The following ZNF709 variants were observed in gnomAD, a reference collection of about 807,000 sequenced individuals.
The protein encoded by ZNF709 is zinc finger protein 709.
ZNF709 carries 15 observed loss-of-function variants against 10.6 expected under a neutral mutation model. The ratio of observed to expected loss-of-function variants is 1.41; its 90% CI spans 0.95 to 2.18. The LOEUF (loss-of-function observed/expected upper bound fraction) is 2.18. Among genes scored for constraint, ZNF709 ranks in the 30% most tolerant of loss-of-function variants. ZNF709 has a pLI of 0.00. For missense variants in ZNF709, 589 were observed against 774.0 expected, an observed-to-expected ratio of 0.76 and a Z score of 2.84; for synonymous variants, 194 against 238.8, an observed-to-expected ratio of 0.81 and a Z score of 1.73.
In ZNF709 at chr19:12,465,280, G is replaced by A. The variant is rs777192870; in HGVS notation, c.642C>T (p.His214=). The change falls in exon 4 of 4, where the codon CAC becomes CAT. Residue 214 remains histidine (H), a synonymous_variant. Transcript: ENST00000397732. ...GTTTCTCCCCTGTGTGCATTCTCAT[G>A]TGTCCTCGAAAGGTTGTGTGATAAA... The part of the protein sequence containing the change: ...AFIYHTTFRG[H]MRMHTGEKPY... The A allele has an allele frequency of 1.9e-6, 3 of 1,612,200 alleles. No homozygotes were observed. The highest frequency in any genetic ancestry group is 2.2e-5 in the East Asian group (1 of 44,762).
At chr19:12,472,389 G>T (rs1970640719) in intron 1 of ZNF709, among the ~76,000 whole-genome samples, 1 of 151,878 alleles carries the variant, frequency 6.6e-6, no homozygotes, top group Non-Finnish European at 1.5e-5. Context: ...AGGCATGGTG[G>T]TGGGCACCTG....
chr19:12,466,505 C>T lies in ZNF709; in HGVS notation c.145G>A (p.Glu49Lys). 6.2e-7 allele frequency: 1 copy of T among 1,614,006 alleles called. No individual in the cohort carries two copies. Among genetic ancestry groups the T allele is most frequent in the East Asian group, 2.2e-5 (1 of 44,856 alleles). The stretch of plus-strand genomic sequence containing the variant: ...TTTTTGTGATCTTCAATGTTCTTCT[C>T]CTCCCAGTTTTCCCCTAAAATGCAG... ...NLASIGENWEEKNIEDHKNQG... is the reference protein window; with the variant it reads ...NLASIGENWEKKNIEDHKNQG... The change falls in exon 3 of 4, where the codon GAG becomes AAG. Residue 49 changes from glutamate (E) to lysine (K), a missense_variant. Coordinates refer to ENST00000397732, the MANE Select transcript of ZNF709 (RefSeq NM_152601.4).
At chr19:12,468,993 A>G (rs989144370) in intron 1 of ZNF709, among the ~76,000 whole-genome samples, 3 of 151,970 alleles carry the variant, frequency 2.0e-5, no homozygotes, top group Non-Finnish European at 4.4e-5. Flanking sequence ...GGCGCCCGCC[A>G]CTATGCCCGG....
At chr19:12,475,978 CAACA>C (rs915415533) in intron 1 of ZNF709, among the ~76,000 whole-genome samples, 13 of 152,234 alleles carry the variant, frequency 8.5e-5, no homozygotes, top group African/African-American at 2.6e-4. Context: ...TAGCCTTTTT[CAACA>C]AACAGTGTTG....
chr19:12,475,292 C>G (rs1490247994), intron 1 of ZNF709, among the ~76,000 whole-genome samples: 2 of 119,532 alleles, frequency 1.7e-5, no homozygotes, highest in Non-Finnish European at 3.8e-5. Context: ...ATCTAAGCAT[C>G]TACATGAGGA....
At chr19:12,480,623 C>T (rs1290822978) in intron 1 of ZNF709, among the ~76,000 whole-genome samples, 6 of 148,630 alleles carry the variant, frequency 4.0e-5, no homozygotes, top group Non-Finnish European at 8.9e-5. Context: ...GCAGAGCTTG[C>T]GGTGAGCCGA....
At chr19:12,472,909 C>T (rs965926857) in intron 1 of ZNF709, among the ~76,000 whole-genome samples, 1 of 152,062 alleles carries the variant, frequency 6.6e-6, no homozygotes, top group Admixed American at 6.6e-5. Context: ...AGGTACATCT[C>T]GCTCCTTCCT....
At chr19:12,466,211 G>A (rs1304842204) in intron 3 of ZNF709, among the ~76,000 whole-genome samples, 1 of 152,188 alleles carries the variant, frequency 6.6e-6, no homozygotes, top group East Asian at 1.9e-4. Flanking sequence ...AAAGTGCTAG[G>A]ATTACAGGCA....
intron 1 of ZNF709, among the ~76,000 whole-genome samples, chr19:12,482,297 T>C (rs1432178042): frequency 6.6e-6 from 1 of 151,660 alleles, no homozygotes; most frequent in African/African-American, 2.4e-5. Context: ...GCTAAACACA[T>C]ACACAAGCTT....
intron 1 of ZNF709, among the ~76,000 whole-genome samples, chr19:12,479,979 A>G (rs574081287): frequency 6.6e-6 from 1 of 152,274 alleles, no homozygotes; most frequent in African/African-American, 2.4e-5. Flanking sequence ...TCTGGTCAAG[A>G]GAGTGAGACC....
chr19:12,465,740 GA>G lies in ZNF709; in HGVS notation c.189-8del, dbSNP rs765289957. On this transcript the variant is annotated splice_region_variant and splice_polypyrimidine_tract_variant and intron_variant, in intron 3 of 3. Transcript: ENST00000397732. Reference sequence around the variant, plus strand: ...CCTCTCTACCATATGACTTCTGTGAGAAAAAAACAAAACAAAACGCACAATT... The same window carrying G: ...CCTCTCTACCATATGACTTCTGTGAGAAAAAACAAAACAAAACGCACAATT... 7 of 1,483,032 alleles carry G rather than the reference GA, an allele frequency of 4.7e-6. No individual in the cohort carries two copies. The Admixed American group carries it at 7.5e-5, about 16-fold the overall frequency. The allele number at this position is 1,483,032 out of a possible 1,614,324, so 91.9% of individuals were successfully genotyped here.
rs1187144311 is a variant in ZNF709, at chr19:12,463,389, AT to A, written c.*606del. ...TTTTTACATTTATAGGGTTTTCCAC[AT>A]TCTTTACATTTTTAAGGTTATAAAT... On this transcript the variant is annotated 3_prime_UTR_variant, in exon 4 of 4. Transcript: ENST00000397732. 6.6e-6 allele frequency: 1 copy of A among 152,138 alleles called. No individual in the cohort carries two copies. Among genetic ancestry groups the A allele is most frequent in the Non-Finnish European group, 1.5e-5 (1 of 68,022 alleles). 9.4% of individuals were successfully genotyped at this position (152,138 alleles called of 1,614,324 possible). A position where few individuals can be genotyped will look rare whatever the true frequency, so the allele number is the denominator to read the frequency against.
chr19:12,475,268 A>AG, intron 1 of ZNF709, among the ~76,000 whole-genome samples: 1 of 150,764 alleles, frequency 6.6e-6, no homozygotes, highest in East Asian at 1.9e-4. Flanking sequence ...AAAAAAAAAA[A>AG]AAAAAAAAAA....
At position 12,464,472 on chromosome 19, in the gene ZNF709, C is replaced by T. The variant is rs1599630806; in HGVS notation, c.1450G>A (p.Ala484Thr). ...KPYECKQCGK[A>T]FSFSSSFRMH... is the part of the protein sequence containing the mutation. ...CGAAAGGAACTAGAAAAACTAAAGGCTTTACCACACTGTTTACATTCATAG... is the reference window on the plus strand; with the variant it reads ...CGAAAGGAACTAGAAAAACTAAAGGTTTTACCACACTGTTTACATTCATAG... Residue 484 changes from alanine (A) to threonine (T), a missense_variant, in exon 4 of 4, where the codon GCC becomes ACC. Transcript: ENST00000397732. 15 of 1,611,928 alleles carry T rather than the reference C, an allele frequency of 9.3e-6. No homozygotes were observed. In the East Asian group the frequency reaches 3.3e-4, roughly 36 times the overall value.
intron 1 of ZNF709, among the ~76,000 whole-genome samples, chr19:12,467,924 G>C (rs1970593838): frequency 6.6e-6 from 1 of 152,004 alleles, no homozygotes; most frequent in Non-Finnish European, 1.5e-5. Flanking sequence ...CCCCATCCGG[G>C]AGGGAGGTGG....
rs1210216137 is a variant in ZNF709, at chr19:12,461,365, TGA to T, written c.*2629_*2630del. On this transcript the variant is annotated 3_prime_UTR_variant, in exon 4 of 4. Transcript: ENST00000397732. ...TAATGAAACAAAATTGAAAATGTACTGAGAGATGACATTCAACTGTAATAGGA... is the reference window on the plus strand; with the variant it reads ...TAATGAAACAAAATTGAAAATGTACTGAGATGACATTCAACTGTAATAGGA... The T allele has an allele frequency of 6.6e-6, 1 of 152,144 alleles. No individual in the cohort carries two copies. The highest frequency in any genetic ancestry group is 1.5e-5 in the Non-Finnish European group (1 of 68,040). 9.4% of individuals were successfully genotyped at this position (152,144 alleles called of 1,614,324 possible).
At chr19:12,467,861 C>G (rs1357763437) in intron 1 of ZNF709, among the ~76,000 whole-genome samples, 1 of 149,898 alleles carries the variant, frequency 6.7e-6, no homozygotes, top group African/African-American at 2.5e-5. Flanking sequence ...GGAGACCCTC[C>G]TCCTGGCAGC....
rs1378894050 is a variant in ZNF709 at position 12,467,659 on chromosome 19, C to T, written c.4-809G>A. ...GCTGCCCAGTCTGGGAAGTGAGGAGCGCCTCTTCCCGGCCGCCATCACATC... is the reference window on the plus strand; with the variant it reads ...GCTGCCCAGTCTGGGAAGTGAGGAGTGCCTCTTCCCGGCCGCCATCACATC... On this transcript the variant is annotated intron_variant, in intron 1 of 3. Transcript: ENST00000397732. Among the ~76,000 whole-genome samples the T allele has an allele frequency of 1.1e-3, 160 of 150,482 alleles. 2 individuals are homozygous for T. The highest frequency in any genetic ancestry group is 1.2e-3 in the Non-Finnish European group (82 of 67,744).
intron 1 of ZNF709, among the ~76,000 whole-genome samples, chr19:12,474,327 T>C (rs1970659643): frequency 6.6e-6 from 1 of 152,248 alleles, no homozygotes; most frequent in African/African-American, 2.4e-5. Flanking sequence ...CTGAGCATAA[T>C]GTCCCCTACG....
Sources: allele counts gnomAD v4.1 joint callset (sites outside exome capture counted in the v4.1 genomes callset), GRCh38; gene constraint gnomAD v4.1.1; transcripts MANE v1.5; gene names NCBI Gene and HGNC (gene_info 2026-07-23, HGNC 2026-07-21).